Variants in FAM107B observed in about 807,000 individuals in gnomAD.
FAM107B encodes the protein family with sequence similarity 107 member B, also known as protein FAM107B.
Under a neutral mutation model 31.5 loss-of-function variants are expected in FAM107B, and 21 were observed. That is an observed-to-expected ratio of 0.67 (90% confidence interval 0.47 to 0.96). The LOEUF is 0.96. Ranked by LOEUF, FAM107B falls within the 40% of genes least tolerant of loss-of-function variation. FAM107B has a pLI of 0.00. For synonymous variants in FAM107B, 157 were observed against 141.5 expected (o/e 1.11, Z -0.78); for missense variants, 452 against 377.1 (o/e 1.20, Z -1.64).
chr10:14,634,315 G>A (rs539063897), intron 2 of FAM107B, among the ~76,000 whole-genome samples: 2 of 151,142 alleles, frequency 1.3e-5, no homozygotes, highest in East Asian at 3.9e-4. Context: ...CAGGAGAATC[G>A]CTTAAACCCA....
chr10:14,773,441 G>T (rs1833350282), intron 1 of FAM107B, among the ~76,000 whole-genome samples: 1 of 152,174 alleles, frequency 6.6e-6, no homozygotes, highest in South Asian at 2.1e-4. Context: ...TAAGCTACTT[G>T]GCTAGGAAAT....
chr10:14,610,115 G>A (rs550238588), intron 2 of FAM107B, among the ~76,000 whole-genome samples: 20 of 152,264 alleles, frequency 1.3e-4, no homozygotes, highest in Middle Eastern at 3.4e-3. Flanking sequence ...AGGCCGAGGC[G>A]GGTGGATCAC....
intron 2 of FAM107B, among the ~76,000 whole-genome samples, chr10:14,543,704 A>AC (rs890303871): frequency 1.3e-5 from 2 of 150,656 alleles, no homozygotes; most frequent in Non-Finnish European, 1.5e-5. Context: ...AAAAAAAAAA[A>AC]AAAAACCAAA....
At chr10:14,679,318 A>G (rs1854770063) in intron 1 of FAM107B, among the ~76,000 whole-genome samples, 1 of 152,148 alleles carries the variant, frequency 6.6e-6, no homozygotes, top group Admixed American at 6.5e-5. Context: ...TTTTGTAGAA[A>G]CAGGGTCTCA....
At chr10:14,527,999 CTTTTT>C in intron 3 of FAM107B, 2 of 307,038 alleles carry the variant, frequency 6.5e-6, no homozygotes, top group Admixed American at 5.0e-5. Flanking sequence ...TCTGCCTTTT[CTTTTT>C]TTTTTTTTTA....
At chr10:14,732,520 T>C (rs893421435) in intron 1 of FAM107B, among the ~76,000 whole-genome samples, 1 of 152,160 alleles carries the variant, frequency 6.6e-6, no homozygotes, top group Admixed American at 6.5e-5. Flanking sequence ...GAGGGCTGTT[T>C]CGAGAAGCAA....
intron 2 of FAM107B, among the ~76,000 whole-genome samples, chr10:14,589,135 C>T (rs1250511680): frequency 4.8e-5 from 7 of 145,164 alleles, no homozygotes; most frequent in Admixed American, 1.4e-4. Flanking sequence ...GAGATAACAT[C>T]ACTGCACTAC....
At chr10:14,632,086 C>A (rs1257859434) in intron 2 of FAM107B, among the ~76,000 whole-genome samples, 1 of 149,134 alleles carries the variant, frequency 6.7e-6, no homozygotes, top group Non-Finnish European at 1.5e-5. Context: ...CACCTGAGGT[C>A]AGGAGTTCAA....
chr10:14,543,905 C>T (rs542779546), intron 2 of FAM107B, among the ~76,000 whole-genome samples: 1 of 152,276 alleles, frequency 6.6e-6, no homozygotes, highest in South Asian at 2.1e-4. Flanking sequence ...AGCTCTTGTC[C>T]CACCCTGAGG....
At position 14,774,218 on chromosome 10, in the gene FAM107B, T is replaced by C. The variant is rs376271110; in HGVS notation, c.411+35A>G. ...TGATCCCAACGCTCCTCCAGCTCCATCCCGTCTATAATCGCAGAGCGAACA... is the reference window on the plus strand; with the variant it reads ...TGATCCCAACGCTCCTCCAGCTCCACCCCGTCTATAATCGCAGAGCGAACA... On this transcript the variant is annotated intron_variant, in intron 1 of 4. Transcript: ENST00000181796. 1.6e-5 allele frequency: 25 copies of C among 1,570,644 alleles called. No individual in the cohort carries two copies. The African/African-American group carries it at 3.2e-4, about 20-fold the overall frequency.
At chr10:14,758,183 C>T (rs966362070) in intron 1 of FAM107B, among the ~76,000 whole-genome samples, 2 of 152,318 alleles carry the variant, frequency 1.3e-5, no homozygotes, top group South Asian at 2.1e-4. Flanking sequence ...TTCCTTTTCC[C>T]TTCCTACTTT....
chr10:14,527,407 T>C (rs1241094286), intron 3 of FAM107B, among the ~76,000 whole-genome samples: 1 of 152,252 alleles, frequency 6.6e-6, no homozygotes, highest in Non-Finnish European at 1.5e-5. Context: ...ACTTGTTCTC[T>C]TAAGTTCTTG....
intron 2 of FAM107B, among the ~76,000 whole-genome samples, chr10:14,583,906 G>C (rs747473747): frequency 6.6e-6 from 1 of 152,180 alleles, no homozygotes; most frequent in Non-Finnish European, 1.5e-5. Flanking sequence ...CACTCTCCCC[G>C]AAAGGGACTC....
intron 2 of FAM107B, among the ~76,000 whole-genome samples, chr10:14,624,595 C>A (rs552710305): frequency 1.3e-5 from 2 of 151,606 alleles, no homozygotes; most frequent in Admixed American, 1.3e-4. Flanking sequence ...GAGATCCTGC[C>A]GGTGCACACC....
rs555212708 is a variant in FAM107B at position 14,726,521 on chromosome 10, C to G, written c.411+47732G>C. Among the ~76,000 whole-genome samples the G allele has an allele frequency of 5.9e-5, 9 of 152,236 alleles. No individual in the cohort carries two copies. In the South Asian group the frequency reaches 1.9e-3, roughly 32 times the overall value. ...AAGACAGTCAAGCATTTGTCAGGTTCCCCAAGGCTAAATTTTGGGGGTAAT... is the reference window on the plus strand; with the variant it reads ...AAGACAGTCAAGCATTTGTCAGGTTGCCCAAGGCTAAATTTTGGGGGTAAT... On this transcript the variant is annotated intron_variant, in intron 1 of 4. Transcript: ENST00000181796.
intron 1 of FAM107B, among the ~76,000 whole-genome samples, chr10:14,741,256 A>G (rs897174753): frequency 1.3e-5 from 2 of 152,144 alleles, no homozygotes; most frequent in Non-Finnish European, 2.9e-5. Flanking sequence ...TGCTCAGGAA[A>G]CAGGTAAAAC....
At chr10:14,663,145 CCA>C (rs772964278) in intron 2 of FAM107B, among the ~76,000 whole-genome samples, 1 of 152,230 alleles carries the variant, frequency 6.6e-6, no homozygotes, top group Non-Finnish European at 1.5e-5. Context: ...AGGCCTTCGG[CCA>C]CAGACTGAAG....
chr10:14,624,221 A>G (rs1242129694), intron 2 of FAM107B, among the ~76,000 whole-genome samples: 1 of 152,170 alleles, frequency 6.6e-6, no homozygotes. Flanking sequence ...GGCTATAAGG[A>G]TGGTGAATAA....
At chr10:14,761,756 C>G (rs1201484268) in intron 1 of FAM107B, among the ~76,000 whole-genome samples, 1 of 151,958 alleles carries the variant, frequency 6.6e-6, no homozygotes, top group Admixed American at 6.6e-5. Context: ...CTCCACCACA[C>G]CTGGCTAATT....
Sources: allele counts gnomAD v4.1 joint callset (sites outside exome capture counted in the v4.1 genomes callset), GRCh38; gene constraint gnomAD v4.1.1; transcripts MANE v1.5; gene names NCBI Gene and HGNC (gene_info 2026-07-23, HGNC 2026-07-21).